The following PTPRN2 variants were observed in gnomAD, a reference collection of about 807,000 sequenced individuals.
PTPRN2 encodes receptor-type tyrosine-protein phosphatase N2.
In PTPRN2, 74 loss-of-function variants were observed where a neutral mutation model predicts 118.8. The ratio of observed to expected loss-of-function variants is 0.62; its 90% CI spans 0.52 to 0.76. The LOEUF is 0.76. Among genes scored for constraint, PTPRN2 ranks in the 30% least tolerant of loss-of-function variants. The pLI is 0.00. For missense variants in PTPRN2, 1,481 were observed against 1,394.4 expected (o/e 1.06, Z -0.99); for synonymous variants, 641 against 608.0 (o/e 1.05, Z -0.80).
chr7:158,107,495 C>A (rs1815780008), intron 10 of PTPRN2, among the ~76,000 whole-genome samples: 1 of 152,062 alleles, frequency 6.6e-6, no homozygotes, highest in Admixed American at 6.5e-5. Context: ...CCAAACATCC[C>A]AGGCCACTCT....
intron 12 of PTPRN2, chr7:157,854,740 C>T (rs927646825): frequency 2.0e-4 from 30 of 153,418 alleles, no homozygotes; most frequent in African/African-American, 6.8e-4. Context: ...GCCAACTTCC[C>T]CTCTGTTGGA....
intron 3 of PTPRN2, among the ~76,000 whole-genome samples, chr7:158,211,079 C>G (rs1165384980): frequency 6.6e-6 from 1 of 152,136 alleles, no homozygotes; most frequent in Non-Finnish European, 1.5e-5. Context: ...GGGGATAGGA[C>G]AGTCTCTTCT....
At chr7:158,161,089 G>A (rs1458307998) in intron 6 of PTPRN2, among the ~76,000 whole-genome samples, 1 of 152,182 alleles carries the variant, frequency 6.6e-6, no homozygotes, top group Non-Finnish European at 1.5e-5. Flanking sequence ...TCAGGATTGT[G>A]TCTTTCAGGA....
At chr7:157,719,297 G>A (rs1267127874) in intron 12 of PTPRN2, among the ~76,000 whole-genome samples, 2 of 152,174 alleles carry the variant, frequency 1.3e-5, no homozygotes, top group Non-Finnish European at 2.9e-5. Context: ...CTCCATTCTC[G>A]ACCCATTAAA....
intron 1 of PTPRN2, among the ~76,000 whole-genome samples, chr7:158,567,963 A>G (rs2129451268): frequency 6.6e-6 from 1 of 151,382 alleles, no homozygotes; most frequent in Non-Finnish European, 1.5e-5. Flanking sequence ...TTTATTAAAA[A>G]CTCTTTTGCC....
At chr7:157,904,466 A>G (rs1398950323) in intron 11 of PTPRN2, among the ~76,000 whole-genome samples, 1 of 152,216 alleles carries the variant, frequency 6.6e-6, no homozygotes, top group Non-Finnish European at 1.5e-5. Context: ...GCTCACGTCA[A>G]GAAACTCCAC....
chr7:157,792,047 G>A (rs570010604), intron 12 of PTPRN2, among the ~76,000 whole-genome samples: 4 of 152,382 alleles, frequency 2.6e-5, no homozygotes, highest in African/African-American at 9.6e-5. Flanking sequence ...CCCTCTGGGG[G>A]TCACACTGCC....
chr7:158,281,813 T>C (rs772857612), intron 3 of PTPRN2, among the ~76,000 whole-genome samples: 12 of 152,198 alleles, frequency 7.9e-5, no homozygotes, highest in Non-Finnish European at 1.8e-4. Flanking sequence ...GAGTCAACCA[T>C]GGGTAAAGCC....
At chr7:157,775,708 C>T (rs1803165980) in intron 12 of PTPRN2, among the ~76,000 whole-genome samples, 6 of 152,132 alleles carry the variant, frequency 3.9e-5, no homozygotes, top group Admixed American at 3.9e-4. Flanking sequence ...GACGGAAGCT[C>T]CACGCCCTGG....
chr7:158,018,163 C>G (rs569569009), intron 11 of PTPRN2, among the ~76,000 whole-genome samples: 1 of 152,326 alleles, frequency 6.6e-6, no homozygotes, highest in Non-Finnish European at 1.5e-5. Flanking sequence ...AGCCTGATTC[C>G]TCTTCAAGGA....
At chr7:157,736,737 CT>C (rs140850860) in intron 12 of PTPRN2, among the ~76,000 whole-genome samples, 18,661 of 152,208 alleles carry the variant, frequency 0.12, 1,554 homozygotes, top group Non-Finnish European at 0.18. Context: ...GTGTCCGCCC[CT>C]GGCCACGGAG....
chr7:158,225,523 G>A lies in PTPRN2; in HGVS notation c.278-20250C>T, dbSNP rs547021194. On this transcript the variant is annotated intron_variant, in intron 3 of 22. Transcript: ENST00000389418. The stretch of plus-strand genomic sequence containing the variant: ...CAACACCTGCATAACCAACTCTTGT[G>A]TCCTATGGGAGGCACATACGGTTTG... Among the ~76,000 whole-genome samples, 76 of 152,308 alleles carry A rather than the reference G, an allele frequency of 5.0e-4. 4 individuals are homozygous for A. In the South Asian group the frequency reaches 0.015, roughly 30 times the overall value.
chr7:158,149,588 A>G (rs569182706), intron 6 of PTPRN2, among the ~76,000 whole-genome samples: 29 of 152,274 alleles, frequency 1.9e-4, no homozygotes, highest in African/African-American at 6.7e-4. Flanking sequence ...GGATCACCTG[A>G]GGTCAGGAGT....
intron 2 of PTPRN2, among the ~76,000 whole-genome samples, chr7:158,382,556 G>A (rs1811043792): frequency 6.6e-6 from 1 of 152,156 alleles, no homozygotes; most frequent in South Asian, 2.1e-4. Context: ...ACCAGTACAA[G>A]AACCAGGCCA....
At chr7:158,223,482 T>C (rs748631997) in intron 3 of PTPRN2, among the ~76,000 whole-genome samples, 1 of 152,128 alleles carries the variant, frequency 6.6e-6, no homozygotes, top group Non-Finnish European at 1.5e-5. Context: ...ATGAGGTTTA[T>C]TCCAGGAATG....
rs188963959 is a variant in PTPRN2, at chr7:158,407,852, C to T, written c.163+81883G>A. ...CAGTGGAGGGACCATGAGTTCATGG[C>T]GTGATTAGCTGGGAGGTTTGGAAAC... On this transcript the variant is annotated intron_variant, in intron 2 of 22. Transcript: ENST00000389418. Among the ~76,000 whole-genome samples, 262 of 152,304 alleles carry T rather than the reference C, an allele frequency of 1.7e-3. 1 individual carries two copies. Among genetic ancestry groups the T allele is most frequent in the African/African-American group, 6.1e-3 (253 of 41,562 alleles).
intron 2 of PTPRN2, among the ~76,000 whole-genome samples, chr7:158,424,899 TC>T (rs1484543285): frequency 6.6e-6 from 1 of 152,082 alleles, no homozygotes; most frequent in Admixed American, 6.5e-5. Context: ...CTCAAGAAGG[TC>T]CGGGGATCTC....
rs57048565 is a variant in PTPRN2 at position 157,725,364 on chromosome 7, T to C, written c.1789-42427A>G. Among the ~76,000 whole-genome samples the C allele has an allele frequency of 2.4e-3, 22 of 9,016 alleles. 1 individual carries two copies. The highest frequency in any genetic ancestry group is 8.1e-3 in the African/African-American group (12 of 1,488). The allele number at this position is 9,016 out of a possible 152,430, so 5.9% of individuals were successfully genotyped here. A position where few individuals can be genotyped will look rare whatever the true frequency, so the allele number is the denominator to read the frequency against. On this transcript the variant is annotated intron_variant, in intron 12 of 22. Coordinates refer to ENST00000389418, the MANE Select transcript of PTPRN2 (RefSeq NM_002847.5). ...CTGGATATCTACACACAGAGGAGTGTGGCCAGACCCTCGCCTCCCAGGAGA... is the reference window on the plus strand; with the variant it reads ...CTGGATATCTACACACAGAGGAGTGCGGCCAGACCCTCGCCTCCCAGGAGA...
intron 12 of PTPRN2, among the ~76,000 whole-genome samples, chr7:157,722,117 G>GC (rs1031279197): frequency 6.6e-6 from 1 of 152,160 alleles, no homozygotes; most frequent in East Asian, 1.9e-4. Flanking sequence ...TGAGCCCCTG[G>GC]CCCCCACCCT....
Sources: allele counts gnomAD v4.1 joint callset (sites outside exome capture counted in the v4.1 genomes callset), GRCh38; gene constraint gnomAD v4.1.1; transcripts MANE v1.5; gene names NCBI Gene and HGNC (gene_info 2026-07-23, HGNC 2026-07-21).